The following UNC13C variants were observed in gnomAD, a reference collection of about 807,000 sequenced individuals.
UNC13C encodes unc-13 homolog C, also known as protein unc-13 homolog C.
Under a neutral mutation model 245.4 loss-of-function variants are expected in UNC13C, and 174 were observed. The observed-to-expected ratio is 0.71, with a 90% CI of 0.63 to 0.80. UNC13C has a LOEUF of 0.80. Ranked by LOEUF, UNC13C falls within the 30% of genes least tolerant of loss-of-function variation. The probability of loss-of-function intolerance (pLI) is 0.00; values close to 1 mark genes in which losing one functional copy is unlikely to be tolerated. For missense variants in UNC13C, 2,829 were observed against 2,602.9 expected, an observed-to-expected ratio of 1.09 and a Z score of -1.89; for synonymous variants, 992 against 895.1, an observed-to-expected ratio of 1.11 and a Z score of -1.93.
intron 10 of UNC13C, among the ~76,000 whole-genome samples, chr15:54,284,299 G>A (rs1490532034): frequency 1.3e-5 from 2 of 152,122 alleles, no homozygotes; most frequent in Non-Finnish European, 2.9e-5. Context: ...ATTCAAACAA[G>A]TATATTTGTA....
intron 4 of UNC13C, among the ~76,000 whole-genome samples, chr15:54,194,513 A>G (rs1162125720): frequency 6.6e-6 from 1 of 152,208 alleles, no homozygotes; most frequent in African/African-American, 2.4e-5. Flanking sequence ...TTGACACCCA[A>G]CCTATCAAAT....
At chr15:54,431,482 A>G (rs577891151) in intron 19 of UNC13C, among the ~76,000 whole-genome samples, 160 of 151,790 alleles carry the variant, frequency 1.1e-3, no homozygotes, top group Non-Finnish European at 2.0e-3. Context: ...AGAGTGTACA[A>G]CTATCTGGTT....
rs374395285 is a variant in UNC13C at position 54,213,215 on chromosome 15, A to C, written c.3072-21815A>C. 5.3e-5 allele frequency among the ~76,000 whole-genome samples: 8 copies of C among 152,134 alleles called. No individual in the cohort carries two copies. The East Asian group carries it at 1.2e-3, about 22-fold the overall frequency. On this transcript the variant is annotated intron_variant, in intron 4 of 32. Coordinates refer to ENST00000260323, the MANE Select transcript of UNC13C (RefSeq NM_001080534.3). ...ATATTGAAGCATTAGGTTATACCCTATAAATATATATAATTATTATTTGCC... is the reference window on the plus strand; with the variant it reads ...ATATTGAAGCATTAGGTTATACCCTCTAAATATATATAATTATTATTTGCC...
intron 18 of UNC13C, among the ~76,000 whole-genome samples, chr15:54,405,185 A>G (rs1054804257): frequency 3.3e-5 from 5 of 152,146 alleles, no homozygotes; most frequent in Non-Finnish European, 5.9e-5. Context: ...AAGTTACACA[A>G]TTAATATCAT....
At chr15:54,377,904 T>A (rs2140893934) in intron 17 of UNC13C, among the ~76,000 whole-genome samples, 1 of 152,326 alleles carries the variant, frequency 6.6e-6, no homozygotes, top group South Asian at 2.1e-4. Flanking sequence ...ACTTATGGAT[T>A]ACATTTTCAT....
At chr15:54,578,950 G>A (rs1260106547) in intron 30 of UNC13C, among the ~76,000 whole-genome samples, 1 of 152,218 alleles carries the variant, frequency 6.6e-6, no homozygotes, top group Non-Finnish European at 1.5e-5. Flanking sequence ...TGTCACTGAA[G>A]TGATTTAAGC....
At chr15:54,019,313 A>T (rs983906357) in intron 2 of UNC13C, among the ~76,000 whole-genome samples, 22 of 152,214 alleles carry the variant, frequency 1.4e-4, no homozygotes, top group Non-Finnish European at 2.9e-4. Flanking sequence ...AACTGATAAG[A>T]GATGAAGAAC....
chr15:54,134,526 G>C (rs934173099), intron 2 of UNC13C, among the ~76,000 whole-genome samples: 1 of 151,796 alleles, frequency 6.6e-6, no homozygotes, highest in African/African-American at 2.4e-5. Context: ...TTTGTTTTGA[G>C]ACGGGGTCTC....
intron 4 of UNC13C, among the ~76,000 whole-genome samples, chr15:54,184,140 G>A (rs749258834): frequency 6.6e-6 from 1 of 152,034 alleles, no homozygotes; most frequent in Admixed American, 6.6e-5. Flanking sequence ...TTGTTTTGAG[G>A]CAACTGATGC....
intron 13 of UNC13C, among the ~76,000 whole-genome samples, chr15:54,317,780 T>A (rs1204759038): frequency 1.3e-5 from 2 of 151,936 alleles, no homozygotes; most frequent in African/African-American, 4.8e-5. Flanking sequence ...TTTTCACAAA[T>A]ACAATATATC....
intron 2 of UNC13C, among the ~76,000 whole-genome samples, chr15:54,130,779 T>G (rs12594168): frequency 0.37 from 55,830 of 151,958 alleles, 10,327 homozygotes; most frequent in Admixed American, 0.39. Context: ...TAGTTAATTC[T>G]TATCTCATGC....
chr15:54,610,200 G>A (rs546210484), intron 30 of UNC13C, among the ~76,000 whole-genome samples: 2 of 152,138 alleles, frequency 1.3e-5, no homozygotes, highest in South Asian at 2.1e-4. Context: ...ATATGATGAT[G>A]TACTCACTAG....
At chr15:54,388,728 A>G (rs2039889762) in intron 17 of UNC13C, among the ~76,000 whole-genome samples, 1 of 151,998 alleles carries the variant, frequency 6.6e-6, no homozygotes, top group African/African-American at 2.4e-5. Context: ...ATTGTTTTTT[A>G]GACTTTTTCT....
At chr15:53,963,386 C>T in the UNC13C span, among the ~76,000 whole-genome samples, 2 of 152,250 alleles carry the variant, frequency 1.3e-5, no homozygotes, top group East Asian at 3.9e-4. Flanking sequence ...TAAATCAAGC[C>T]TGCCTGGGTT....
At chr15:54,611,301 C>G (rs147374343) in intron 30 of UNC13C, among the ~76,000 whole-genome samples, 2,618 of 152,182 alleles carry the variant, frequency 0.017, 28 homozygotes, top group Non-Finnish European at 0.027. Flanking sequence ...AATTTCCACT[C>G]AAATCAGCAA....
At chr15:53,956,114 G>T in the UNC13C span, among the ~76,000 whole-genome samples, 2 of 152,154 alleles carry the variant, frequency 1.3e-5, no homozygotes, top group African/African-American at 4.8e-5. Flanking sequence ...TTATAGGTGG[G>T]AGTTAAACAA....
intron 2 of UNC13C, chr15:54,049,504 A>G (rs192026266): frequency 1.1e-4 from 34 of 319,772 alleles, no homozygotes; most frequent in Middle Eastern, 8.6e-4. Context: ...TTTAGTGGCC[A>G]TGATGGAATT....
At chr15:54,489,983 G>A (rs916755432) in intron 19 of UNC13C, among the ~76,000 whole-genome samples, 1 of 152,058 alleles carries the variant, frequency 6.6e-6, no homozygotes, top group African/African-American at 2.4e-5. Context: ...CTCTTTTGTT[G>A]AACTGGCAGA....
At chr15:54,263,305 C>T (rs2036473167) in intron 8 of UNC13C, among the ~76,000 whole-genome samples, 1 of 152,112 alleles carries the variant, frequency 6.6e-6, no homozygotes, top group Non-Finnish European at 1.5e-5. Context: ...ACTTTAAACT[C>T]ACTAAGGAAT....
Sources: gnomAD v4.1 joint callset for allele counts (sites outside exome capture counted in the v4.1 genomes callset) on GRCh38, gnomAD v4.1.1 for gene constraint, MANE v1.5 for transcripts, NCBI Gene and HGNC (gene_info 2026-07-23, HGNC 2026-07-21) for gene names.